The following RASGRF2 variants were observed in gnomAD, a reference collection of about 807,000 sequenced individuals.
RASGRF2 encodes the protein ras-specific guanine nucleotide-releasing factor 2.
A neutral mutation model predicts 151.0 loss-of-function variants in RASGRF2; 76 were observed. The ratio of observed to expected loss-of-function variants is 0.50; its 90% CI spans 0.42 to 0.61. RASGRF2 has a LOEUF of 0.61. Ranked by LOEUF, RASGRF2 falls within the 20% of genes least tolerant of loss-of-function variation. The pLI is 0.00. For synonymous variants in RASGRF2, 504 were observed against 566.5 expected (o/e 0.89, Z 1.57); for missense variants, 1,148 against 1,564.6 (o/e 0.73, Z 4.49).
intron 1 of RASGRF2, among the ~76,000 whole-genome samples, chr5:80,994,365 CAAA>C (rs11411890): frequency 2.2e-4 from 25 of 115,342 alleles, no homozygotes; most frequent in Admixed American, 6.3e-4. Context: ...CACTCTGTCT[CAAA>C]AAAAAAAAAA....
chr5:81,216,772 T>A (rs1323526252), intron 24 of RASGRF2, among the ~76,000 whole-genome samples: 1 of 152,228 alleles, frequency 6.6e-6, no homozygotes, highest in South Asian at 2.1e-4. Flanking sequence ...CAAAAGCCCA[T>A]GTGCTTAGCC....
At chr5:81,080,845 T>C in intron 7 of RASGRF2, 56 bp downstream of exon 7, 1 of 1,493,440 alleles carries the variant, frequency 6.7e-7, no homozygotes, top group Non-Finnish European at 9.2e-7. Context: ...ATGTCACTGA[T>C]ACCTAGCGTG....
chr5:81,051,976 C>G (rs1442239342), intron 2 of RASGRF2, among the ~76,000 whole-genome samples: 3 of 152,176 alleles, frequency 2.0e-5, no homozygotes, highest in Non-Finnish European at 4.4e-5. Context: ...ACATCCTTAC[C>G]AACACTTATT....
chr5:81,053,124 C>A (rs1178287176), intron 2 of RASGRF2, among the ~76,000 whole-genome samples: 2 of 151,856 alleles, frequency 1.3e-5, no homozygotes, highest in South Asian at 2.1e-4. Context: ...TAAGATAATT[C>A]TTTTCTTTTT....
At chr5:81,008,109 G>T (rs1749330812) in intron 1 of RASGRF2, among the ~76,000 whole-genome samples, 1 of 135,382 alleles carries the variant, frequency 7.4e-6, no homozygotes, top group Admixed American at 7.4e-5. Flanking sequence ...GATGATGATG[G>T]TTTCAGTTTT....
rs1212792357 is a variant in RASGRF2, at chr5:81,226,129, G to A, written c.*359G>A. 5.9e-6 allele frequency: 1 copy of A among 169,822 alleles called. No individual in the cohort carries two copies. Among genetic ancestry groups the A allele is most frequent in the African/African-American group, 2.4e-5 (1 of 41,912 alleles). 10.5% of individuals were successfully genotyped at this position (169,822 alleles called of 1,614,324 possible). On this transcript the variant is annotated 3_prime_UTR_variant, in exon 27 of 27. Coordinates refer to ENST00000265080, the MANE Select transcript of RASGRF2 (RefSeq NM_006909.3). Reference sequence around the variant, plus strand: ...CTCAGGGACAAGGATCCATGAAAAAGACCTGTGATGTTTCTCTGGCGCTTT... The same window carrying A: ...CTCAGGGACAAGGATCCATGAAAAAAACCTGTGATGTTTCTCTGGCGCTTT...
chr5:81,183,083 A>G, intron 18 of RASGRF2: 2 of 726,900 alleles, frequency 2.8e-6, no homozygotes, highest in Non-Finnish European at 3.4e-6. Context: ...ATTTTGAATC[A>G]GTAGCTTTTA....
intron 2 of RASGRF2, among the ~76,000 whole-genome samples, chr5:81,065,989 G>A (rs1169773335): frequency 1.3e-5 from 2 of 152,072 alleles, no homozygotes; most frequent in African/African-American, 4.8e-5. Context: ...TTCCAAACTG[G>A]ACCTGCCTTT....
intron 2 of RASGRF2, among the ~76,000 whole-genome samples, chr5:81,050,707 G>A (rs1750983626): frequency 6.6e-6 from 1 of 152,158 alleles, no homozygotes; most frequent in Non-Finnish European, 1.5e-5. Context: ...TCCTCTACGA[G>A]CAGGAAGGGC....
rs137975067 is a variant in RASGRF2, at chr5:81,109,026, A to G, written c.1786A>G (p.Met596Val). ...CVDNIRCNGLMTIVFEENSKV... is the reference protein window; with the variant it reads ...CVDNIRCNGLVTIVFEENSKV... ...GGACAATATACGATGTAATGGTTTA[A>G]TGACTATAGTGTTTGAAGAGAATTC... Residue 596 changes from methionine (M) to valine (V), a missense_variant, in exon 13 of 27, where the codon ATG becomes GTG. Coordinates refer to ENST00000265080, the MANE Select transcript of RASGRF2 (RefSeq NM_006909.3). 12 of 1,611,468 alleles carry G rather than the reference A, an allele frequency of 7.4e-6. No individual in the cohort carries two copies. In the African/African-American group the frequency reaches 1.3e-4, roughly 18 times the overall value.
At chr5:81,221,288 C>T (rs537488521) in intron 26 of RASGRF2, among the ~76,000 whole-genome samples, 3 of 152,148 alleles carry the variant, frequency 2.0e-5, no homozygotes, top group African/African-American at 7.2e-5. Context: ...TCCTTGAGAG[C>T]GAAATATCTA....
intron 7 of RASGRF2, among the ~76,000 whole-genome samples, chr5:81,084,059 T>C (rs1159539978): frequency 1.3e-5 from 2 of 152,236 alleles, no homozygotes; most frequent in African/African-American, 4.8e-5. Flanking sequence ...AGTGCCTGTT[T>C]GTTCCTTCAC....
intron 15 of RASGRF2, among the ~76,000 whole-genome samples, chr5:81,115,743 A>G (rs1388465210): frequency 6.6e-6 from 1 of 152,204 alleles, no homozygotes; most frequent in African/African-American, 2.4e-5. Context: ...CTGTTCAAGA[A>G]TCATTGAGTG....
chr5:81,107,454 T>G, intron 12 of RASGRF2, among the ~76,000 whole-genome samples: 1 of 152,224 alleles, frequency 6.6e-6, no homozygotes, highest in African/African-American at 2.4e-5. Context: ...ATAATTGTCC[T>G]GTCTGGTCCT....
At chr5:81,085,222 A>C (rs1400648760) in intron 7 of RASGRF2, among the ~76,000 whole-genome samples, 1 of 152,220 alleles carries the variant, frequency 6.6e-6, no homozygotes, top group Non-Finnish European at 1.5e-5. Context: ...TGGTTGGTGG[A>C]GTTTCTGTCT....
At chr5:81,127,923 CAAAAAAAAAAAAA>C (rs60196392) in intron 17 of RASGRF2, among the ~76,000 whole-genome samples, 4 of 64,882 alleles carry the variant, frequency 6.2e-5, no homozygotes, top group South Asian at 5.6e-4. Context: ...GACTCCGTCT[CAAAAAAAAAAAAA>C]AAAAAAAAAA....
chr5:81,140,168 G>A (rs1753850055), intron 17 of RASGRF2, among the ~76,000 whole-genome samples: 1 of 152,042 alleles, frequency 6.6e-6, no homozygotes, highest in Non-Finnish European at 1.5e-5. Context: ...TACCTTAATA[G>A]GCCTTGTTCA....
chr5:80,983,169 C>T lies in RASGRF2; in HGVS notation c.288+22143C>T, dbSNP rs1010617159. 2.0e-5 allele frequency among the ~76,000 whole-genome samples: 3 copies of T among 152,372 alleles called. No homozygotes were observed. The South Asian group carries it at 6.2e-4, about 32-fold the overall frequency. The stretch of plus-strand genomic sequence containing the variant: ...TGCCCTCTGAATGTCGACGGACTGG[C>T]GTCAGCAATGACAGAGACCAAGCTG... On this transcript the variant is annotated intron_variant, in intron 1 of 26. Transcript: ENST00000265080.
intron 17 of RASGRF2, among the ~76,000 whole-genome samples, chr5:81,129,402 C>G (rs973450778): frequency 6.6e-6 from 1 of 151,936 alleles, no homozygotes; most frequent in Non-Finnish European, 1.5e-5. Flanking sequence ...GAGATGTTCT[C>G]TAATGGACAT....
Sources: allele counts gnomAD v4.1 joint callset (sites outside exome capture counted in the v4.1 genomes callset), GRCh38; gene constraint gnomAD v4.1.1; transcripts MANE v1.5; gene names NCBI Gene and HGNC (gene_info 2026-07-23, HGNC 2026-07-21).